The following KCNQ3 variants were observed in gnomAD, a reference collection of about 807,000 sequenced individuals.
KCNQ3 encodes the protein potassium voltage-gated channel subfamily Q member 3.
Under a neutral mutation model 92.5 loss-of-function variants are expected in KCNQ3, and 30 were observed. The observed-to-expected ratio is 0.32, with a 90% CI of 0.24 to 0.44. KCNQ3 has a LOEUF of 0.44. Among genes scored for constraint, KCNQ3 ranks in the 20% least tolerant of loss-of-function variants. KCNQ3 has a pLI of 1.00. For synonymous variants in KCNQ3, 450 were observed against 468.8 expected, an observed-to-expected ratio of 0.96 and a Z score of 0.52; for missense variants, 913 against 1,140.3, an observed-to-expected ratio of 0.80 and a Z score of 2.87.
At chr8:132,272,301 T>C (rs1436046521) in intron 1 of KCNQ3, among the ~76,000 whole-genome samples, 1 of 152,174 alleles carries the variant, frequency 6.6e-6, no homozygotes, top group Non-Finnish European at 1.5e-5. Flanking sequence ...GGCATGGCTG[T>C]CTATGGAGGT....
At chr8:132,373,263 G>A (rs1029259671) in intron 1 of KCNQ3, among the ~76,000 whole-genome samples, 1 of 152,030 alleles carries the variant, frequency 6.6e-6, no homozygotes, top group East Asian at 1.9e-4. Flanking sequence ...CTACACCTGG[G>A]GTAAGTCACT....
chr8:132,172,193 C>A (rs963439574), intron 7 of KCNQ3, among the ~76,000 whole-genome samples: 3 of 151,876 alleles, frequency 2.0e-5, no homozygotes, highest in African/African-American at 7.3e-5. Context: ...ACTCAAAAAA[C>A]CACCGTATCA....
chr8:132,140,066 G>A lies in KCNQ3; in HGVS notation c.1568+10C>T. ...GCACACAGGCACAGGTGGGACCGTG[G>A]GGGCATTACCTGACGGCTCGGATGG... is the stretch of plus-strand genomic sequence containing the variant. On this transcript the variant is annotated intron_variant, in intron 11 of 14. Coordinates refer to ENST00000388996, the MANE Select transcript of KCNQ3 (RefSeq NM_004519.4). 6.3e-7 allele frequency: 1 copy of A among 1,575,004 alleles called. No individual in the cohort carries two copies.
intron 13 of KCNQ3, among the ~76,000 whole-genome samples, chr8:132,132,644 G>T (rs1391812762): frequency 2.2e-5 from 3 of 139,356 alleles, no homozygotes; most frequent in Non-Finnish European, 4.9e-5. Flanking sequence ...CTCTGAGTGT[G>T]TGTGTGCAGG....
chr8:132,250,108 T>C (rs973231641), intron 1 of KCNQ3, among the ~76,000 whole-genome samples: 4 of 152,162 alleles, frequency 2.6e-5, no homozygotes, highest in African/African-American at 7.2e-5. Context: ...GCTCCCACAG[T>C]GCAGTGGCAG....
At chr8:132,362,166 T>C (rs1353630109) in intron 1 of KCNQ3, among the ~76,000 whole-genome samples, 1 of 152,180 alleles carries the variant, frequency 6.6e-6, no homozygotes, top group African/African-American at 2.4e-5. Context: ...TTTTTTCTAT[T>C]ATTTATTTTA....
chr8:132,472,652 G>A (rs1370089608), intron 1 of KCNQ3, among the ~76,000 whole-genome samples: 1 of 152,096 alleles, frequency 6.6e-6, no homozygotes, highest in Non-Finnish European at 1.5e-5. Context: ...TAGTTAATGG[G>A]TACAAACATA....
chr8:132,171,268 A>T (rs571723782), intron 7 of KCNQ3, among the ~76,000 whole-genome samples: 2 of 152,180 alleles, frequency 1.3e-5, no homozygotes, highest in South Asian at 4.2e-4. Flanking sequence ...AGGCCTAGGA[A>T]CCACAATATG....
At chr8:132,335,591 G>T (rs180775265) in intron 1 of KCNQ3, among the ~76,000 whole-genome samples, 11 of 152,194 alleles carry the variant, frequency 7.2e-5, no homozygotes, top group African/African-American at 2.7e-4. Flanking sequence ...AAAGGTTGGG[G>T]ATGTCAGGTC....
intron 4 of KCNQ3, among the ~76,000 whole-genome samples, chr8:132,177,159 T>G (rs76993869): frequency 0.051 from 7,776 of 152,252 alleles, 310 homozygotes; most frequent in Non-Finnish European, 0.074. Context: ...CTTAACCAAA[T>G]CAACAGTTGT....
At chr8:132,217,477 G>A (rs1324998012) in intron 1 of KCNQ3, among the ~76,000 whole-genome samples, 3 of 152,100 alleles carry the variant, frequency 2.0e-5, no homozygotes. Context: ...TTGGGAGGCC[G>A]AGGTGGGCGG....
chr8:132,151,365 C>G (rs1242656376), intron 9 of KCNQ3, among the ~76,000 whole-genome samples: 5 of 152,006 alleles, frequency 3.3e-5, no homozygotes, highest in Non-Finnish European at 1.5e-5. Flanking sequence ...TAGAAAAAGG[C>G]ATAAAAATAT....
At chr8:132,205,430 T>C (rs952736336) in intron 1 of KCNQ3, among the ~76,000 whole-genome samples, 1 of 152,184 alleles carries the variant, frequency 6.6e-6, no homozygotes, top group Admixed American at 6.5e-5. Flanking sequence ...GCCATGAAAA[T>C]GATGCCAAAT....
intron 1 of KCNQ3, among the ~76,000 whole-genome samples, chr8:132,444,105 T>C (rs1359084096): frequency 6.6e-6 from 1 of 151,992 alleles, no homozygotes; most frequent in African/African-American, 2.4e-5. Flanking sequence ...GGTTCCAGGG[T>C]CCACCTCTGG....
rs533014039 is a variant in KCNQ3, at chr8:132,421,837, T to C, written c.386+58310A>G. Among the ~76,000 whole-genome samples the C allele has an allele frequency of 2.6e-5, 4 of 152,276 alleles. No homozygotes were observed. In the South Asian group the frequency reaches 6.2e-4, roughly 24 times the overall value. On this transcript the variant is annotated intron_variant, in intron 1 of 14. Coordinates refer to ENST00000388996, the MANE Select transcript of KCNQ3 (RefSeq NM_004519.4). ...TAAAACAGATAATGGGAGAGACATC[T>C]GGATCCTGAAGATGGGCAAATACAG...
intron 1 of KCNQ3, among the ~76,000 whole-genome samples, chr8:132,374,500 C>A (rs6998456): frequency 0.038 from 5,761 of 152,296 alleles, 193 homozygotes; most frequent in African/African-American, 0.094. Flanking sequence ...GCGGCACACA[C>A]CCCTCCCGGA....
At chr8:132,352,548 G>A (rs1299679558) in intron 1 of KCNQ3, among the ~76,000 whole-genome samples, 1 of 152,218 alleles carries the variant, frequency 6.6e-6, no homozygotes, top group Non-Finnish European at 1.5e-5. Context: ...GAGGTTGCCT[G>A]TGGGCACCCT....
At chr8:132,286,484 G>C (rs1188137816) in intron 1 of KCNQ3, among the ~76,000 whole-genome samples, 1 of 152,202 alleles carries the variant, frequency 6.6e-6, no homozygotes, top group African/African-American at 2.4e-5. Context: ...CCCTATACCT[G>C]TTCTGCCATT....
intron 1 of KCNQ3, among the ~76,000 whole-genome samples, chr8:132,381,769 G>C (rs570273894): frequency 6.6e-6 from 1 of 152,354 alleles, no homozygotes; most frequent in Non-Finnish European, 1.5e-5. Context: ...AAGCCCAGCA[G>C]CTCAAATGCA....
Sources: allele counts gnomAD v4.1 joint callset (sites outside exome capture counted in the v4.1 genomes callset), GRCh38; gene constraint gnomAD v4.1.1; transcripts MANE v1.5; gene names NCBI Gene and HGNC (gene_info 2026-07-23, HGNC 2026-07-21).